GRIK2: variants seen among roughly 807,000 people sequenced by gnomAD.
GRIK2 encodes the protein glutamate ionotropic receptor kainate type subunit 2, also known as glutamate receptor ionotropic, kainate 2.
In GRIK2, 32 loss-of-function variants were observed where a neutral mutation model predicts 100.3. The observed-to-expected ratio is 0.32, with a 90% confidence interval of 0.24 to 0.43. The LOEUF (loss-of-function observed/expected upper bound fraction) is 0.43, where lower values mean the gene tolerates loss of function less well. Among genes scored for constraint, GRIK2 ranks in the 20% least tolerant of loss-of-function variants. GRIK2 has a pLI of 1.00. For missense variants in GRIK2, 843 were observed against 1,114.9 expected, an observed-to-expected ratio of 0.76 and a Z score of 3.47; for synonymous variants, 417 against 389.4, an observed-to-expected ratio of 1.07 and a Z score of -0.83.
chr6:102,065,778 CTGTTAAA>C (rs1258056220), intron 16 of GRIK2: 1 of 1,474,606 alleles, frequency 6.8e-7, no homozygotes, highest in South Asian at 1.2e-5. Context: ...ATTAATTCTT[CTGTTAAA>C]TGTTTCAACA....
chr6:101,831,365 C>T (rs963377316), intron 10 of GRIK2, among the ~76,000 whole-genome samples: 3 of 151,958 alleles, frequency 2.0e-5, no homozygotes, highest in Admixed American at 6.6e-5. Context: ...ATGGTAGCTT[C>T]GAGGCTTCTT....
intron 7 of GRIK2, among the ~76,000 whole-genome samples, chr6:101,728,630 G>T (rs1242582558): frequency 1.3e-5 from 2 of 151,644 alleles, no homozygotes; most frequent in Non-Finnish European, 2.9e-5. Context: ...ATTGGAGCCT[G>T]GATTATCTAA....
intron 14 of GRIK2, among the ~76,000 whole-genome samples, chr6:102,010,853 T>G (rs999447467): frequency 9.2e-5 from 14 of 152,156 alleles, no homozygotes; most frequent in African/African-American, 3.4e-4. Context: ...TTTTCTTTCT[T>G]GGGTAGAGAG....
rs564529151 is a variant in GRIK2, at chr6:102,034,197, C to A, written c.2086-1144C>A. On this transcript the variant is annotated intron_variant, in intron 14 of 16. Transcript: ENST00000369134. Reference sequence around the variant, plus strand: ...TTGTCTTTATAGAGCACTCATTGTACCTTTTTCTTTTTCCTAGTAAATCAT... The same window carrying A: ...TTGTCTTTATAGAGCACTCATTGTAACTTTTTCTTTTTCCTAGTAAATCAT... Among the ~76,000 whole-genome samples, 67 of 151,318 alleles carry A rather than the reference C, an allele frequency of 4.4e-4. 2 individuals carry two copies. The South Asian group carries it at 0.013, about 29-fold the overall frequency.
intron 2 of GRIK2, among the ~76,000 whole-genome samples, chr6:101,465,002 G>T (rs1404079881): frequency 6.6e-6 from 1 of 152,084 alleles, no homozygotes; most frequent in African/African-American, 2.4e-5. Context: ...TTTATCATCT[G>T]CACCACTCCC....
intron 16 of GRIK2, among the ~76,000 whole-genome samples, chr6:102,067,675 T>G (rs753175547): frequency 6.6e-6 from 1 of 151,874 alleles, no homozygotes; most frequent in African/African-American, 2.4e-5. Flanking sequence ...AATTATCAGC[T>G]CTCAGTTATC....
intron 7 of GRIK2, among the ~76,000 whole-genome samples, chr6:101,686,873 A>C (rs887277766): frequency 6.6e-6 from 1 of 152,096 alleles, no homozygotes; most frequent in African/African-American, 2.4e-5. Flanking sequence ...AAGCGGCACT[A>C]TTGCATAAAC....
At chr6:101,852,923 A>C (rs904377436) in intron 10 of GRIK2, among the ~76,000 whole-genome samples, 1 of 152,200 alleles carries the variant, frequency 6.6e-6, no homozygotes, top group African/African-American at 2.4e-5. Context: ...CATCTGTTAC[A>C]TTTGCAGTAC....
chr6:101,988,132 T>TGTGTGTGTGTGTGTGTGC (rs1231517176), intron 14 of GRIK2, among the ~76,000 whole-genome samples: 1 of 29,552 alleles, frequency 3.4e-5, no homozygotes, highest in African/African-American at 1.0e-4. Flanking sequence ...TGTGTGTGTG[T>TGTGTGTGTGTGTGTGTGC]GCGCGCGCGC....
chr6:102,051,028 A>C (rs760836645), intron 15 of GRIK2, among the ~76,000 whole-genome samples: 2 of 152,168 alleles, frequency 1.3e-5, no homozygotes, highest in Non-Finnish European at 2.9e-5. Context: ...TTTAACATAA[A>C]AGGGACATTT....
chr6:101,751,031 C>A (rs1562356582), intron 7 of GRIK2, among the ~76,000 whole-genome samples: 1 of 152,132 alleles, frequency 6.6e-6, no homozygotes. Flanking sequence ...CCCTCTTTTA[C>A]CATGTACTAA....
chr6:101,547,947 G>C (rs1776326012), intron 2 of GRIK2, among the ~76,000 whole-genome samples: 1 of 152,284 alleles, frequency 6.6e-6, no homozygotes, highest in Non-Finnish European at 1.5e-5. Flanking sequence ...CAGTGTAAAA[G>C]TGTTCCTGTT....
chr6:101,747,203 G>A (rs1032778784), intron 7 of GRIK2, among the ~76,000 whole-genome samples: 1 of 152,142 alleles, frequency 6.6e-6, no homozygotes, highest in Non-Finnish European at 1.5e-5. Context: ...TGAATGGGAG[G>A]AAGAATTTTA....
At chr6:101,607,352 G>T (rs1779483253) in intron 2 of GRIK2, among the ~76,000 whole-genome samples, 1 of 151,986 alleles carries the variant, frequency 6.6e-6, no homozygotes, top group African/African-American at 2.4e-5. Flanking sequence ...ACAGTGACCT[G>T]GGAATGAGGA....
At chr6:101,491,577 C>G (rs147140034) in intron 2 of GRIK2, among the ~76,000 whole-genome samples, 4 of 151,976 alleles carry the variant, frequency 2.6e-5, no homozygotes, top group African/African-American at 9.7e-5. Flanking sequence ...ATTGTCAGCA[C>G]TTTGCCAAAT....
At chr6:102,062,541 A>G (rs1771806282) in intron 16 of GRIK2, among the ~76,000 whole-genome samples, 1 of 150,650 alleles carries the variant, frequency 6.6e-6, no homozygotes, top group African/African-American at 2.4e-5. Flanking sequence ...TGCTACATGT[A>G]AAGTTTCTTT....
chr6:101,609,497 T>C (rs934389986), intron 2 of GRIK2, among the ~76,000 whole-genome samples: 23 of 151,908 alleles, frequency 1.5e-4, no homozygotes, highest in Non-Finnish European at 1.2e-4. Context: ...TCTGGATTTC[T>C]GGAAGGAACA....
At chr6:101,395,906 G>A (rs923981655) in intron 1 of GRIK2, among the ~76,000 whole-genome samples, 2 of 152,040 alleles carry the variant, frequency 1.3e-5, no homozygotes, top group African/African-American at 4.8e-5. Flanking sequence ...AATAAAGAGT[G>A]CCATATGGTT....
At chr6:102,040,167 GTAAAGA>G (rs1339767208) in intron 15 of GRIK2, among the ~76,000 whole-genome samples, 3 of 151,498 alleles carry the variant, frequency 2.0e-5, no homozygotes, top group Admixed American at 1.3e-4. Context: ...CATGAAGAAT[GTAAAGA>G]TAAAGTGGAC....
Sources: allele counts gnomAD v4.1 joint callset (sites outside exome capture counted in the v4.1 genomes callset), GRCh38; gene constraint gnomAD v4.1.1; transcripts MANE v1.5; gene names NCBI Gene and HGNC (gene_info 2026-07-23, HGNC 2026-07-21).